PKN2: variants seen among roughly 807,000 people sequenced by gnomAD.
The protein encoded by PKN2 is serine/threonine-protein kinase N2.
In PKN2, 38 loss-of-function variants were observed where a neutral mutation model predicts 119.1. The ratio of observed to expected loss-of-function variants is 0.32; its 90% CI spans 0.25 to 0.42. The LOEUF is 0.42. PKN2 is among the 10% of genes least tolerant of loss of function. The pLI is 1.00. For missense variants in PKN2, 850 were observed against 1,165.1 expected (o/e 0.73, Z 3.94); for synonymous variants, 390 against 384.9 (o/e 1.01, Z -0.15).
intron 8 of PKN2, among the ~76,000 whole-genome samples, chr1:88,796,200 A>G (rs1012470048): frequency 2.0e-5 from 3 of 152,170 alleles, no homozygotes; most frequent in East Asian, 1.9e-4. Flanking sequence ...TAAAAATGCA[A>G]ACTGATTGAG....
At chr1:88,696,962 A>G (rs771036932) in intron 1 of PKN2, among the ~76,000 whole-genome samples, 27 of 152,148 alleles carry the variant, frequency 1.8e-4, no homozygotes, top group Non-Finnish European at 2.6e-4. Context: ...TAAGAATACT[A>G]ATATTGCTTG....
chr1:88,791,075 T>G (rs1670813582), intron 8 of PKN2, among the ~76,000 whole-genome samples: 1 of 152,144 alleles, frequency 6.6e-6, no homozygotes, highest in Admixed American at 6.5e-5. Flanking sequence ...CTTATCATAT[T>G]GTATATTTGG....
intron 1 of PKN2, among the ~76,000 whole-genome samples, chr1:88,689,591 A>G (rs555603653): frequency 1.5e-4 from 23 of 152,268 alleles, no homozygotes; most frequent in African/African-American, 5.3e-4. Flanking sequence ...CAGGCGGATC[A>G]CCTGAGGTCA....
intron 2 of PKN2, among the ~76,000 whole-genome samples, chr1:88,744,381 A>G (rs1323139543): frequency 6.6e-6 from 1 of 152,152 alleles, no homozygotes; most frequent in Non-Finnish European, 1.5e-5. Context: ...TTAAGTCTGC[A>G]TTGTGTAAAT....
At chr1:88,813,983 T>C (rs1671882113) in intron 16 of PKN2, among the ~76,000 whole-genome samples, 1 of 152,182 alleles carries the variant, frequency 6.6e-6, no homozygotes, top group African/African-American at 2.4e-5. Flanking sequence ...TTCATTTTAG[T>C]AAAATTTCTT....
intron 1 of PKN2, among the ~76,000 whole-genome samples, chr1:88,698,335 G>A (rs59046744): frequency 0.022 from 3,290 of 152,010 alleles, 102 homozygotes; most frequent in African/African-American, 0.075. Context: ...TTCACTCAAG[G>A]ACCCCCCTGT....
chr1:88,735,892 T>A (rs1668328601), intron 1 of PKN2, among the ~76,000 whole-genome samples: 1 of 152,186 alleles, frequency 6.6e-6, no homozygotes, highest in African/African-American at 2.4e-5. Flanking sequence ...TTGGGAAGTT[T>A]TGTGTTATTA....
chr1:88,792,711 C>T (rs1670897393), intron 8 of PKN2, among the ~76,000 whole-genome samples: 1 of 152,148 alleles, frequency 6.6e-6, no homozygotes, highest in Admixed American at 6.6e-5. Flanking sequence ...ATTTCCTTTT[C>T]TTCTTTTACA....
chr1:88,786,269 T>G, intron 8 of PKN2, 56 bp downstream of exon 8: 1 of 890,828 alleles, frequency 1.1e-6, no homozygotes. Context: ...TAAATGTGAG[T>G]TATATTTTTT....
chr1:88,813,963 G>A (rs1244535211), intron 16 of PKN2, among the ~76,000 whole-genome samples: 1 of 152,070 alleles, frequency 6.6e-6, no homozygotes, highest in Non-Finnish European at 1.5e-5. Flanking sequence ...CTTTAGATAA[G>A]CAATTTAGAT....
At chr1:88,699,772 T>A (rs113284460) in intron 1 of PKN2, among the ~76,000 whole-genome samples, 3,197 of 152,170 alleles carry the variant, frequency 0.021, 69 homozygotes, top group South Asian at 0.07. Context: ...CCTTTTATTT[T>A]TTTTTTAATT....
chr1:88,754,066 G>A (rs1669105607), intron 2 of PKN2, among the ~76,000 whole-genome samples: 1 of 152,094 alleles, frequency 6.6e-6, no homozygotes, highest in East Asian at 1.9e-4. Flanking sequence ...TCCAAGTGTG[G>A]ACTTTTTTCC....
At chr1:88,706,298 A>G (rs1299853381) in intron 1 of PKN2, among the ~76,000 whole-genome samples, 1 of 152,184 alleles carries the variant, frequency 6.6e-6, no homozygotes, top group Non-Finnish European at 1.5e-5. Flanking sequence ...TTCCTAGTAT[A>G]TAGAAGTACA....
At chr1:88,697,150 C>T (rs1666571886) in intron 1 of PKN2, among the ~76,000 whole-genome samples, 1 of 152,106 alleles carries the variant, frequency 6.6e-6, no homozygotes, top group South Asian at 2.1e-4. Flanking sequence ...AAATTAGTCT[C>T]TGATTTTACA....
intron 20 of PKN2, 96 bp from the exon 21 acceptor site, chr1:88,832,980 AG>A: frequency 7.6e-7 from 1 of 1,322,992 alleles, no homozygotes; most frequent in South Asian, 1.4e-5. Flanking sequence ...AGACAAAAAA[AG>A]ACAAAATATA....
intron 3 of PKN2, 95 bp downstream of exon 3, chr1:88,760,471 T>C (rs977535282): frequency 2.9e-6 from 2 of 686,378 alleles, no homozygotes; most frequent in African/African-American, 3.8e-5. Context: ...TATTAGTAAC[T>C]CCAACATCAG....
At chr1:88,737,416 A>G (rs572640424) in intron 1 of PKN2, among the ~76,000 whole-genome samples, 1 of 152,232 alleles carries the variant, frequency 6.6e-6, no homozygotes, top group South Asian at 2.1e-4. Flanking sequence ...CACTGAGTCA[A>G]GATCAAAGTA....
chr1:88,751,027 A>AT (rs1668966740), intron 2 of PKN2, among the ~76,000 whole-genome samples: 2 of 152,170 alleles, frequency 1.3e-5, no homozygotes, highest in Non-Finnish European at 2.9e-5. Context: ...TTGCTACAGA[A>AT]TACAGTACAA....
At chr1:88,819,639 T>C (rs530033740) in intron 16 of PKN2, among the ~76,000 whole-genome samples, 1 of 152,322 alleles carries the variant, frequency 6.6e-6, no homozygotes, top group African/African-American at 2.4e-5. Flanking sequence ...AGAAATATTA[T>C]TTGACCCAGC....
Sources: allele counts gnomAD v4.1 joint callset (sites outside exome capture counted in the v4.1 genomes callset), GRCh38; gene constraint gnomAD v4.1.1; transcripts MANE v1.5; gene names NCBI Gene and HGNC (gene_info 2026-07-23, HGNC 2026-07-21).